The following TG variants were observed in gnomAD, a reference collection of about 807,000 sequenced individuals.
TG encodes the protein thyroid hormones.
Under a neutral mutation model 324.7 loss-of-function variants are expected in TG, and 270 were observed. The ratio of observed to expected loss-of-function variants is 0.83; its 90% CI spans 0.75 to 0.92. The LOEUF (loss-of-function observed/expected upper bound fraction) is 0.92, where lower values mean the gene tolerates loss of function less well. TG is among the 40% of genes least tolerant of loss of function. TG has a pLI of 0.00. For synonymous variants in TG, 1,401 were observed against 1,327.0 expected, an observed-to-expected ratio of 1.06 and a Z score of -1.21; for missense variants, 3,591 against 3,456.4, an observed-to-expected ratio of 1.04 and a Z score of -0.98.
intron 35 of TG, among the ~76,000 whole-genome samples, chr8:132,999,139 T>C (rs1833187966): frequency 6.6e-6 from 1 of 151,876 alleles, no homozygotes; most frequent in Non-Finnish European, 1.5e-5. Context: ...ATGAGACAGG[T>C]TCAGGGGGTA....
intron 25 of TG, 91 bp downstream of exon 25, chr8:132,935,955 GC>G: frequency 1.0e-6 from 1 of 997,264 alleles, no homozygotes; most frequent in Non-Finnish European, 1.6e-6. Context: ...GTGAGGAGGA[GC>G]CAGACTGTCC....
chr8:132,954,283 T>C (rs1209279667), intron 27 of TG, among the ~76,000 whole-genome samples: 1 of 152,206 alleles, frequency 6.6e-6, no homozygotes, highest in African/African-American at 2.4e-5. Context: ...TAGTTACTGC[T>C]GTCACAGGTT....
intron 41 of TG, among the ~76,000 whole-genome samples, chr8:133,078,612 A>G (rs1417060903): frequency 6.6e-6 from 1 of 152,218 alleles, no homozygotes; most frequent in African/African-American, 2.4e-5. Flanking sequence ...GTTAGCACTC[A>G]CTGTGTGCCA....
At position 132,941,340 on chromosome 8, in the gene TG, C is replaced by CT. The variant is rs1161600572; in HGVS notation, c.5042-8dup. ...GAGGTCTTTTAAAATTTTGTTCTGC[C>CT]TTTCCCCCAGGCCAAGGATCCACCA... On this transcript the variant is annotated splice_polypyrimidine_tract_variant and intron_variant, in intron 25 of 47. Coordinates refer to ENST00000220616, the MANE Select transcript of TG (RefSeq NM_003235.5). 1 of 1,614,106 alleles carries CT rather than the reference C, an allele frequency of 6.2e-7. No homozygotes were observed. The highest frequency in any genetic ancestry group is 8.5e-7 in the Non-Finnish European group (1 of 1,180,052).
At chr8:132,961,142 C>G in intron 28 of TG, 69 bp downstream of exon 28, 2 of 1,450,318 alleles carry the variant, frequency 1.4e-6, no homozygotes, top group South Asian at 2.3e-5. Flanking sequence ...CACCACCTCT[C>G]ATTCACAGGG....
intron 5 of TG, among the ~76,000 whole-genome samples, chr8:132,876,202 A>G (rs1016435487): frequency 6.6e-6 from 1 of 152,022 alleles, no homozygotes; most frequent in Non-Finnish European, 1.5e-5. Flanking sequence ...CAGGCAAGAG[A>G]CGACGTTGAC....
chr8:133,131,617 C>G (rs1851954580), intron 45 of TG, among the ~76,000 whole-genome samples, 195 bp from the exon 46 acceptor site: 1 of 152,214 alleles, frequency 6.6e-6, no homozygotes, highest in African/African-American at 2.4e-5. Context: ...ATGGATCTCC[C>G]CGCAAGGGGC....
Position 132,963,055 on chromosome 8 carries a change from A to G in TG, c.5529A>G (p.Pro1843=). ...MGCRKDTVPR[P]ASPTEAGLTT... is the part of the protein sequence containing the mutation. ...GTAGAAAAGACACAGTGCCAAGGCC[A>G]GCATCTCCAACAGAAGCAGGTACTG... is the stretch of plus-strand genomic sequence containing the variant. The change falls in exon 29 of 48, where the codon CCA becomes CCG. Residue 1843 remains proline, a synonymous_variant. Coordinates refer to ENST00000220616, the MANE Select transcript of TG (RefSeq NM_003235.5). 1 of 1,614,056 alleles carries G rather than the reference A, an allele frequency of 6.2e-7. No homozygotes were observed. Among genetic ancestry groups the G allele is most frequent in the East Asian group, 2.2e-5 (1 of 44,874 alleles).
intron 34 of TG, among the ~76,000 whole-genome samples, chr8:132,975,334 A>G (rs1302773670): frequency 1.3e-5 from 2 of 152,258 alleles, no homozygotes; most frequent in African/African-American, 2.4e-5. Context: ...TCATTTGTTC[A>G]GAAGTAATGA....
At chr8:133,088,791 G>A (rs575399765) in intron 41 of TG, among the ~76,000 whole-genome samples, 2 of 152,214 alleles carry the variant, frequency 1.3e-5, no homozygotes, top group African/African-American at 2.4e-5. Flanking sequence ...ATTTCAAGAC[G>A]AATTGTATTA....
intron 43 of TG, chr8:133,102,607 T>G (rs1199731698): frequency 1.9e-6 from 3 of 1,542,104 alleles, no homozygotes; most frequent in Admixed American, 3.9e-5. Context: ...AATGATCTTA[T>G]TTTCTGAAGT....
Position 132,882,811 on chromosome 8 carries a change from T to C in TG, c.890-3T>C. ...TCTTCTTTACTGTGTGGATTTCCTC[T>C]AGGCCCCACAAAATGTGAAGTGGAG... On this transcript the variant is annotated splice_region_variant and splice_polypyrimidine_tract_variant and intron_variant, in intron 7 of 47. Coordinates refer to ENST00000220616, the MANE Select transcript of TG (RefSeq NM_003235.5). 1 of 1,614,244 alleles carries C rather than the reference T, an allele frequency of 6.2e-7. No homozygotes were observed. The highest frequency in any genetic ancestry group is 8.5e-7 in the Non-Finnish European group (1 of 1,180,044).
At chr8:132,967,743 T>A (rs758939854) in intron 30 of TG, 51 bp from the exon 31 acceptor site, 14 of 1,601,242 alleles carry the variant, frequency 8.7e-6, no homozygotes, top group Admixed American at 1.7e-5. Context: ...GAGATTATTC[T>A]CCCCTGTAGA....
chr8:132,943,839 A>C (rs2741225), intron 26 of TG, among the ~76,000 whole-genome samples: 82,560 of 151,788 alleles, frequency 0.54, 23,188 homozygotes, highest in Non-Finnish European at 0.61. Flanking sequence ...CTGTCCAGTT[A>C]TTTCCACCTT....
chr8:133,039,978 C>T (rs1837891784), intron 41 of TG: 3 of 847,500 alleles, frequency 3.5e-6, no homozygotes, highest in Non-Finnish European at 4.5e-6. Context: ...CACACACACA[C>T]ATACACACAC....
intron 45 of TG, among the ~76,000 whole-genome samples, chr8:133,126,646 T>C (rs2130343409): frequency 6.6e-6 from 1 of 152,270 alleles, no homozygotes; most frequent in Non-Finnish European, 1.5e-5. Flanking sequence ...CAAATTCTCT[T>C]GTAAAACACA....
At chr8:132,873,883 G>A (rs1447404887) in intron 5 of TG, among the ~76,000 whole-genome samples, 2 of 152,122 alleles carry the variant, frequency 1.3e-5, no homozygotes, top group Admixed American at 6.6e-5. Context: ...GAAAGAGTAG[G>A]CAGAAGGCCG....
chr8:133,093,033 C>G (rs1847811803), intron 41 of TG, among the ~76,000 whole-genome samples: 1 of 152,152 alleles, frequency 6.6e-6, no homozygotes, highest in African/African-American at 2.4e-5. Flanking sequence ...TTCACATCTC[C>G]TCTCTGCCTG....
intron 43 of TG, among the ~76,000 whole-genome samples, chr8:133,097,888 T>C (rs1848665031): frequency 6.6e-6 from 1 of 152,184 alleles, no homozygotes; most frequent in East Asian, 1.9e-4. Flanking sequence ...TTCTGAAGGT[T>C]CCTATCTGGA....
Sources: gnomAD v4.1 joint callset for allele counts (sites outside exome capture counted in the v4.1 genomes callset) on GRCh38, gnomAD v4.1.1 for gene constraint, MANE v1.5 for transcripts, NCBI Gene and HGNC (gene_info 2026-07-23, HGNC 2026-07-21) for gene names.